PHC2: variants seen among roughly 807,000 people sequenced by gnomAD.
The protein encoded by PHC2 is polyhomeotic homolog 2.
In PHC2, 29 loss-of-function variants were observed where a neutral mutation model predicts 87.4. The ratio of observed to expected loss-of-function variants is 0.33; its 90% CI spans 0.25 to 0.45. PHC2 has a LOEUF of 0.45. Among genes scored for constraint, PHC2 ranks in the 20% least tolerant of loss-of-function variants. The pLI is 1.00. For missense variants in PHC2, 857 were observed against 1,136.7 expected, an observed-to-expected ratio of 0.75 and a Z score of 3.54; for synonymous variants, 438 against 461.7, an observed-to-expected ratio of 0.95 and a Z score of 0.66.
intron 1 of PHC2, among the ~76,000 whole-genome samples, chr1:33,377,400 T>C (rs1238554700): frequency 3.3e-5 from 5 of 152,124 alleles, no homozygotes; most frequent in African/African-American, 1.2e-4. Context: ...CATAAATTCC[T>C]TCAGGGCCCA....
At position 33,332,486 on chromosome 1, in the gene PHC2, A is replaced by T; in HGVS notation, c.1762-82T>A. On this transcript the variant is annotated intron_variant, in intron 10 of 14. Transcript: ENST00000683057. This position sits in a 1 kb window ranked among gnomAD's most constrained non-coding sequence, Gnocchi z 4.2. ...ATCCATCCTCATCACAATTACACGT[A>T]TAAAGTATCCAGGCACAGAGGCCAG... The T allele has an allele frequency of 6.6e-7, 1 of 1,523,766 alleles. No individual in the cohort carries two copies. Among genetic ancestry groups the T allele is most frequent in the South Asian group, 1.1e-5 (1 of 88,364 alleles). 94.4% of individuals were successfully genotyped at this position (1,523,766 alleles called of 1,614,324 possible).
chr1:33,374,418 T>C (rs565954896), intron 2 of PHC2, among the ~76,000 whole-genome samples: 71 of 152,054 alleles, frequency 4.7e-4, no homozygotes, highest in African/African-American at 1.6e-3. Flanking sequence ...GGGACAAGGG[T>C]AGGGGCAGGA....
chr1:33,354,594 G>A, intron 8 of PHC2, 28 bp from the exon 9 acceptor site: 2 of 1,596,616 alleles, frequency 1.3e-6, no homozygotes, highest in Non-Finnish European at 1.7e-6. Flanking sequence ...AGAGAGGGGG[G>A]CCTCTCAGAA....
intron 8 of PHC2, 83 bp from the exon 9 acceptor site, chr1:33,354,649 T>G: frequency 6.9e-7 from 1 of 1,454,692 alleles, no homozygotes. Flanking sequence ...CCATGGAGCT[T>G]GGGAAGCAGG....
intron 1 of PHC2, among the ~76,000 whole-genome samples, chr1:33,429,468 A>G (rs1331984940): frequency 1.3e-5 from 2 of 152,118 alleles, no homozygotes; most frequent in Admixed American, 6.5e-5. Context: ...AGTCCTTTCC[A>G]ATTTTCTCTG....
chr1:33,332,241 G>C lies in PHC2; in HGVS notation c.1891+34C>G, dbSNP rs1330944084. ...GAGGCCTGCCTTTCCAGCCACGCTG[G>C]GAGGCCGAGAGATTCAGGGTCTGAG... On this transcript the variant is annotated intron_variant, in intron 11 of 14. Coordinates refer to ENST00000683057, the MANE Select transcript of PHC2 (RefSeq NM_001385109.1). This position sits in a 1 kb window ranked among gnomAD's most constrained non-coding sequence, Gnocchi z 4.2. 6.2e-7 allele frequency: 1 copy of C among 1,613,550 alleles called. No homozygotes were observed. Among genetic ancestry groups the C allele is most frequent in the Non-Finnish European group, 8.5e-7 (1 of 1,179,524 alleles).
Position 33,368,171 on chromosome 1 carries a change from C to T in PHC2, c.663+365G>A, listed in dbSNP as rs2148320195. On this transcript the variant is annotated intron_variant, in intron 6 of 14. Transcript: ENST00000683057. The surrounding 1 kb of genome is among the most constrained non-coding windows in gnomAD (Gnocchi z 6.6). ...ACATGTCATTTTTCTCGAGTCCTAG[C>T]AGCACTACCGTGTGTAACCGGAGCG... Among the ~76,000 whole-genome samples, 1 of 152,346 alleles carries T rather than the reference C, an allele frequency of 6.6e-6. No individual in the cohort carries two copies. Among genetic ancestry groups the T allele is most frequent in the Non-Finnish European group, 1.5e-5 (1 of 68,044 alleles).
At chr1:33,344,689 G>A (rs1037691500) in intron 9 of PHC2, among the ~76,000 whole-genome samples, 1 of 152,090 alleles carries the variant, frequency 6.6e-6, no homozygotes, top group African/African-American at 2.4e-5. Context: ...CTGAAGCCTC[G>A]ACTGTCCACA....
At chr1:33,426,548 A>G (rs1462108471) in intron 1 of PHC2, among the ~76,000 whole-genome samples, 1 of 152,242 alleles carries the variant, frequency 6.6e-6, no homozygotes, top group African/African-American at 2.4e-5. Context: ...CATCAGGACT[A>G]TAACTCTCTC....
At chr1:33,343,427 A>C (rs1193966490) in intron 9 of PHC2, among the ~76,000 whole-genome samples, 1 of 135,118 alleles carries the variant, frequency 7.4e-6, no homozygotes. Flanking sequence ...CCGAGATTGC[A>C]CCACTGCACT....
chr1:33,349,948 A>C lies in PHC2; in HGVS notation c.1558+4453T>G. 2.4e-5 allele frequency: 5 copies of C among 204,534 alleles called. No individual in the cohort carries two copies. Among genetic ancestry groups the C allele is most frequent in the African/African-American group, 3.6e-5 (1 of 28,092 alleles). The allele number at this position is 204,534 out of a possible 1,614,324, so 12.7% of individuals were successfully genotyped here. Reference sequence around the variant, plus strand: ...GGCCGCCTCCGCCGGGGGCGGGGCGAGGGAGCGGGGCGGGGAGGGGCGGGG... The same window carrying C: ...GGCCGCCTCCGCCGGGGGCGGGGCGCGGGAGCGGGGCGGGGAGGGGCGGGG... On this transcript the variant is annotated intron_variant, in intron 9 of 14. Coordinates refer to ENST00000683057, the MANE Select transcript of PHC2 (RefSeq NM_001385109.1). The surrounding 1 kb of genome is among the most constrained non-coding windows in gnomAD (Gnocchi z 4.2).
At chr1:33,380,164 T>C (rs183077053) in intron 1 of PHC2, among the ~76,000 whole-genome samples, 1 of 152,234 alleles carries the variant, frequency 6.6e-6, no homozygotes, top group African/African-American at 2.4e-5. Context: ...ATCACTTATG[T>C]AAAGGATAGA....
intron 7 of PHC2, among the ~76,000 whole-genome samples, chr1:33,356,258 T>TATATATAC (rs1378671040): frequency 1.2e-5 from 1 of 84,328 alleles, no homozygotes; most frequent in Non-Finnish European, 2.6e-5. Context: ...CTTATATATA[T>TATATATAC]ATATATATAT....
chr1:33,428,167 T>G (rs1024015328), intron 1 of PHC2, among the ~76,000 whole-genome samples: 2 of 152,228 alleles, frequency 1.3e-5, no homozygotes, highest in African/African-American at 4.8e-5. Context: ...ATGTAGCAAG[T>G]ACCTGGTAGA....
At chr1:33,358,617 T>C (rs535763244) in intron 7 of PHC2, among the ~76,000 whole-genome samples, 3 of 152,316 alleles carry the variant, frequency 2.0e-5, no homozygotes, top group South Asian at 4.1e-4. Flanking sequence ...CTAATCTTCC[T>C]AGTGCACAGA....
intron 1 of PHC2, among the ~76,000 whole-genome samples, chr1:33,402,033 C>A (rs1338821659): frequency 6.6e-6 from 1 of 152,052 alleles, no homozygotes; most frequent in Non-Finnish European, 1.5e-5. Flanking sequence ...ACAAGCCTTA[C>A]ACTGAGAAAA....
intron 7 of PHC2, chr1:33,363,747 G>A (rs1647273622): frequency 1.0e-6 from 1 of 984,992 alleles, no homozygotes; most frequent in African/African-American, 1.7e-5. Context: ...TTGGGCCTGA[G>A]TGTGCACCCA....
rs533448206 is a variant in PHC2, at chr1:33,380,249, A to G, written c.-54-4656T>C. Among the ~76,000 whole-genome samples, 3 of 152,350 alleles carry G rather than the reference A, an allele frequency of 2.0e-5. No individual in the cohort carries two copies. The South Asian group carries it at 6.2e-4, about 32-fold the overall frequency. On this transcript the variant is annotated intron_variant, in intron 1 of 14. Transcript: ENST00000683057. ...ATTAACTACACTCACCTGTTGTGCA[A>G]TCATCACCACCATCTATTCCCAGAA... is the stretch of plus-strand genomic sequence containing the variant.
At chr1:33,346,539 A>T in intron 9 of PHC2, 1 of 985,108 alleles carries the variant, frequency 1.0e-6, no homozygotes, top group Non-Finnish European at 1.2e-6. Flanking sequence ...CAGCTGGGAG[A>T]AGTTTAATAT....
Sources: gnomAD v4.1 joint callset for allele counts (sites outside exome capture counted in the v4.1 genomes callset) on GRCh38, gnomAD v4.1.1 for gene constraint, Gnocchi (gnomAD v3.1) non-coding constraint, MANE v1.5 for transcripts, NCBI Gene and HGNC (gene_info 2026-07-23, HGNC 2026-07-21) for gene names.